Variants in RAB6B observed in about 807,000 individuals in gnomAD.
RAB6B encodes ras-related protein Rab-6B.
In RAB6B, 7 loss-of-function variants were observed where a neutral mutation model predicts 31.2. The observed-to-expected ratio is 0.22, with a 90% CI of 0.13 to 0.42. The LOEUF is 0.42. Ranked by LOEUF, RAB6B falls within the 10% of genes least tolerant of loss-of-function variation. The pLI, the probability that RAB6B is intolerant of heterozygous loss-of-function variation, is 1.00. For missense variants in RAB6B, 149 were observed against 280.6 expected, an observed-to-expected ratio of 0.53 and a Z score of 3.35; for synonymous variants, 105 against 104.9, an observed-to-expected ratio of 1.00 and a Z score of -0.01.
intron 1 of RAB6B, among the ~76,000 whole-genome samples, chr3:133,874,773 T>C (rs890930237): frequency 2.6e-5 from 4 of 152,120 alleles, no homozygotes; most frequent in African/African-American, 9.7e-5. Flanking sequence ...TATTTCTTTA[T>C]ATCTTTATTC....
chr3:133,846,044 G>C (rs910459623), intron 2 of RAB6B, among the ~76,000 whole-genome samples: 1 of 152,128 alleles, frequency 6.6e-6, no homozygotes, highest in African/African-American at 2.4e-5. Context: ...TGAACCTGAA[G>C]ACAGGCCAAA....
intron 2 of RAB6B, among the ~76,000 whole-genome samples, chr3:133,852,475 CTT>C (rs5852767): frequency 2.8e-5 from 4 of 142,424 alleles, no homozygotes. Flanking sequence ...TTTTCTTTTT[CTT>C]TTTTTTTTTT....
chr3:133,857,095 T>C (rs1936091237), intron 2 of RAB6B, among the ~76,000 whole-genome samples: 1 of 152,170 alleles, frequency 6.6e-6, no homozygotes, highest in African/African-American at 2.4e-5. Context: ...TGTGGAAAGT[T>C]GTCATTTGTT....
intron 1 of RAB6B, among the ~76,000 whole-genome samples, chr3:133,885,826 A>C (rs1936537350): frequency 6.6e-6 from 1 of 152,194 alleles, no homozygotes; most frequent in Non-Finnish European, 1.5e-5. Context: ...ATACATCTGC[A>C]GTGGAGCTGA....
At chr3:133,859,698 T>C (rs1173103313) in intron 2 of RAB6B, among the ~76,000 whole-genome samples, 1 of 152,214 alleles carries the variant, frequency 6.6e-6, no homozygotes. Flanking sequence ...TAGCCTTCCA[T>C]GCACAGTGAC....
intron 2 of RAB6B, 107 bp downstream of exon 2, chr3:133,864,477 A>G: frequency 8.8e-7 from 1 of 1,136,402 alleles, no homozygotes; most frequent in Non-Finnish European, 1.3e-6. Context: ...TAGCAAAATG[A>G]CAGCCTGGGA....
Position 133,841,301 on chromosome 3 carries a change from C to A in RAB6B, c.273G>T (p.Val91=). ...SYIRDSTVAV[V]VYDITNLNSF... The stretch of plus-strand genomic sequence containing the variant: ...CTCACTCACTTGTGATGTCGTACAC[C>A]ACCACAGCCACCGTGGAGTCCCGGA... The change falls in exon 4 of 8, where the codon GTG becomes GTT. Residue 91 remains valine, a synonymous_variant. Transcript: ENST00000285208. 6.2e-7 allele frequency: 1 copy of A among 1,614,176 alleles called. No individual in the cohort carries two copies. The highest frequency in any genetic ancestry group is 8.5e-7 in the Non-Finnish European group (1 of 1,180,010).
intron 1 of RAB6B, among the ~76,000 whole-genome samples, chr3:133,889,305 A>C (rs1936596805): frequency 6.6e-6 from 1 of 150,784 alleles, no homozygotes; most frequent in African/African-American, 2.4e-5. Flanking sequence ...AAAGTTTGCA[A>C]TGTCGGGGCA....
intron 2 of RAB6B, among the ~76,000 whole-genome samples, chr3:133,851,584 T>C (rs572497971): frequency 6.6e-6 from 1 of 152,048 alleles, no homozygotes; most frequent in South Asian, 2.1e-4. Flanking sequence ...GGAGGACACA[T>C]GAGTGATATC....
At chr3:133,835,081 C>G (rs1935713296) in intron 6 of RAB6B, among the ~76,000 whole-genome samples, 1 of 152,186 alleles carries the variant, frequency 6.6e-6, no homozygotes, top group African/African-American at 2.4e-5. Context: ...GCTTGGGGAG[C>G]CCTGCAGGTC....
intron 2 of RAB6B, among the ~76,000 whole-genome samples, chr3:133,860,237 T>C (rs1316892894): frequency 1.3e-5 from 2 of 152,234 alleles, no homozygotes; most frequent in Non-Finnish European, 2.9e-5. Flanking sequence ...ATACGATTAA[T>C]TAAGGATCTT....
At position 133,895,777 on chromosome 3, in the gene RAB6B, G is replaced by GC; in HGVS notation, c.-312_-311insG. The GC allele has an allele frequency of 2.8e-6, 1 of 362,396 alleles. No homozygotes were observed. The highest frequency in any genetic ancestry group is 4.9e-5 in the Admixed American group (1 of 20,278). The allele number at this position is 362,396 out of a possible 1,614,324, so 22.4% of individuals were successfully genotyped here. On this transcript the variant is annotated 5_prime_UTR_variant, in exon 1 of 8. Transcript: ENST00000285208. ...GGCGCGGCGCTGGGAGAGAGGCGCG[G>GC]GCGGAGCGGGGCGCAGGGACGGCGC...
chr3:133,838,351 C>A (rs1935773073), intron 5 of RAB6B, 92 bp from the exon 6 acceptor site: 1 of 1,134,064 alleles, frequency 8.8e-7, no homozygotes, highest in Non-Finnish European at 1.3e-6. Flanking sequence ...GCAGAGGGAG[C>A]CCACTGGGCC....
At chr3:133,889,537 C>T (rs1467061653) in intron 1 of RAB6B, among the ~76,000 whole-genome samples, 1 of 150,744 alleles carries the variant, frequency 6.6e-6, no homozygotes, top group Non-Finnish European at 1.5e-5. Context: ...CGGGTTCAAG[C>T]GATTCTCCTG....
At chr3:133,862,254 T>G (rs529375832) in intron 2 of RAB6B, among the ~76,000 whole-genome samples, 2 of 152,172 alleles carry the variant, frequency 1.3e-5, no homozygotes, top group Non-Finnish European at 2.9e-5. Context: ...CGAGGCCAAC[T>G]CTCCATGCTG....
In RAB6B at chr3:133,895,769, G is replaced by C. The variant is rs1936703994; in HGVS notation, c.-303C>G. ...ACGCCCGAGGCGCGGCGCTGGGAGA[G>C]AGGCGCGGGCGGAGCGGGGCGCAGG... is the stretch of plus-strand genomic sequence containing the variant. On this transcript the variant is annotated 5_prime_UTR_variant, in exon 1 of 8. Coordinates refer to ENST00000285208, the MANE Select transcript of RAB6B (RefSeq NM_016577.4). The C allele has an allele frequency of 7.7e-6, 3 of 389,886 alleles. No individual in the cohort carries two copies. Among genetic ancestry groups the C allele is most frequent in the East Asian group, 4.3e-5 (1 of 23,112 alleles). 24.2% of individuals were successfully genotyped at this position (389,886 alleles called of 1,614,324 possible). A position where few individuals can be genotyped will look rare whatever the true frequency, so the allele number is the denominator to read the frequency against.
At position 133,826,536 on chromosome 3, in the gene RAB6B, C is replaced by T. The variant is rs1348880350; in HGVS notation, c.*2252G>A. On this transcript the variant is annotated 3_prime_UTR_variant, in exon 8 of 8. Coordinates refer to ENST00000285208, the MANE Select transcript of RAB6B (RefSeq NM_016577.4). ...GGCCCCCGCTGCCAACCAGGCAGGA[C>T]ACTGTCATGTGGACTCCTGTAAATT... is the stretch of plus-strand genomic sequence containing the variant. 6.5e-6 allele frequency: 1 copy of T among 152,680 alleles called. No individual in the cohort carries two copies. The highest frequency in any genetic ancestry group is 2.4e-5 in the African/African-American group (1 of 41,456). The allele number at this position is 152,680 out of a possible 1,614,324, so 9.5% of individuals were successfully genotyped here.
rs1559895642 is a variant in RAB6B, at chr3:133,824,810, C to CA, written c.*3977_*3978insT. On this transcript the variant is annotated 3_prime_UTR_variant, in exon 8 of 8. Coordinates refer to ENST00000285208, the MANE Select transcript of RAB6B (RefSeq NM_016577.4). ...AGTAGAGATGGTCTGAGGAACACAC[C>CA]CACACACAGCAGTCCTTGCTGTGTA... The CA allele has an allele frequency of 2.0e-5, 3 of 152,152 alleles. No individual in the cohort carries two copies. The highest frequency in any genetic ancestry group is 7.2e-5 in the African/African-American group (3 of 41,496). 9.4% of individuals were successfully genotyped at this position (152,152 alleles called of 1,614,324 possible).
intron 1 of RAB6B, 104 bp from the exon 2 acceptor site, chr3:133,864,746 G>A (rs1471372348): frequency 1.7e-5 from 19 of 1,149,866 alleles, no homozygotes; most frequent in Non-Finnish European, 2.4e-5. Flanking sequence ...AAAGCACAGG[G>A]GAAAGGCCGA....
Sources: allele counts gnomAD v4.1 joint callset (sites outside exome capture counted in the v4.1 genomes callset), GRCh38; gene constraint gnomAD v4.1.1; transcripts MANE v1.5; gene names NCBI Gene and HGNC (gene_info 2026-07-23, HGNC 2026-07-21).